HRH1: variants seen among roughly 807,000 people sequenced by gnomAD.
HRH1 encodes histamine H1 receptor.
Under a neutral mutation model 10.3 loss-of-function variants are expected in HRH1, and 6 were observed. The ratio of observed to expected loss-of-function variants is 0.58; its 90% confidence interval spans 0.32 to 1.15. The LOEUF is 1.15. Ranked by LOEUF, HRH1 falls within the 50% of genes most tolerant of loss-of-function variation. The probability of loss-of-function intolerance (pLI) is 0.05; values close to 1 mark genes in which losing one functional copy is unlikely to be tolerated. For synonymous variants in HRH1, 242 were observed against 236.7 expected, an observed-to-expected ratio of 1.02 and a Z score of -0.21; for missense variants, 514 against 615.3, an observed-to-expected ratio of 0.84 and a Z score of 1.74.
intron 1 of HRH1, among the ~76,000 whole-genome samples, chr3:11,251,093 CT>C (rs1559286021): frequency 6.6e-6 from 1 of 152,062 alleles, no homozygotes; most frequent in Non-Finnish European, 1.5e-5. Context: ...TTTTCTTTTT[CT>C]CTGGGGGAGA....
At chr3:11,151,278 T>C (rs552614939), upstream of HRH1, among the ~76,000 whole-genome samples, 1 of 152,294 alleles carries the variant, frequency 6.6e-6, no homozygotes, top group Admixed American at 6.5e-5. Flanking sequence ...AGCCTGCTAA[T>C]AAAAGTGGCA....
chr3:11,143,011 A>G (rs1051918471), intron 1 of HRH1, among the ~76,000 whole-genome samples: 5 of 152,156 alleles, frequency 3.3e-5, no homozygotes, highest in Non-Finnish European at 7.4e-5. Context: ...AAAGGCCCCA[A>G]GACAGGACAA....
chr3:11,202,258 G>A (rs956346624), intron 1 of HRH1, among the ~76,000 whole-genome samples: 2 of 151,786 alleles, frequency 1.3e-5, no homozygotes, highest in Non-Finnish European at 2.9e-5. Flanking sequence ...ACAAAAATTG[G>A]CCCGGTGTGG....
chr3:11,193,929 C>T (rs1937594863), intron 1 of HRH1, among the ~76,000 whole-genome samples: 1 of 152,254 alleles, frequency 6.6e-6, no homozygotes, highest in Non-Finnish European at 1.5e-5. Context: ...GGCAACTTCA[C>T]AAGGTATCAG....
chr3:11,138,180 A>ATTTTTTTTTTTT (rs746775307), intron 1 of HRH1, among the ~76,000 whole-genome samples: 1 of 135,580 alleles, frequency 7.4e-6, no homozygotes, highest in Non-Finnish European at 1.6e-5. Flanking sequence ...ACGTTTGGCT[A>ATTTTTTTTTTTT]TTTTTTTTTT....
At chr3:11,249,873 GA>G (rs1176458842) in intron 1 of HRH1, among the ~76,000 whole-genome samples, 1 of 151,752 alleles carries the variant, frequency 6.6e-6, no homozygotes, top group Non-Finnish European at 1.5e-5. Context: ...ATACTTTTCT[GA>G]AGTAGAGTTG....
chr3:11,179,535 G>A (rs1249386958), intron 1 of HRH1, among the ~76,000 whole-genome samples: 1 of 151,292 alleles, frequency 6.6e-6, no homozygotes, highest in African/African-American at 2.4e-5. Flanking sequence ...CAGGAGAATG[G>A]CGTGAACTCG....
intron 1 of HRH1, among the ~76,000 whole-genome samples, chr3:11,167,688 GT>G (rs1404686537): frequency 1.3e-5 from 2 of 152,234 alleles, no homozygotes; most frequent in Admixed American, 1.3e-4. Flanking sequence ...AATTTGTTTA[GT>G]TCAGTCAGCA....
In HRH1 at chr3:11,205,796, G is replaced by A. The variant is rs544231991; in HGVS notation, c.-36+51242G>A. On this transcript the variant is annotated intron_variant, in intron 1 of 1. Transcript: ENST00000431010. ...TCTGCCTCAGCCTCTTGAGTAGCTGGGACTACAGGCATGCGCCACCACACC... is the reference window on the plus strand; with the variant it reads ...TCTGCCTCAGCCTCTTGAGTAGCTGAGACTACAGGCATGCGCCACCACACC... Among the ~76,000 whole-genome samples the A allele has an allele frequency of 1.3e-4, 19 of 151,912 alleles. No individual in the cohort carries two copies. In the South Asian group the frequency reaches 3.7e-3, roughly 30 times the overall value.
chr3:11,200,859 A>G (rs547920338), intron 1 of HRH1, among the ~76,000 whole-genome samples: 283 of 152,354 alleles, frequency 1.9e-3, no homozygotes, highest in African/African-American at 6.4e-3. Flanking sequence ...CACCAGCTCA[A>G]AAAAACTCCA....
At chr3:11,178,093 A>T (rs1215644906) in intron 1 of HRH1, among the ~76,000 whole-genome samples, 1 of 152,146 alleles carries the variant, frequency 6.6e-6, no homozygotes, top group Non-Finnish European at 1.5e-5. Flanking sequence ...CAGGCCATGG[A>T]GGGAGAGTGC....
chr3:11,236,693 A>T (rs1939189688), intron 1 of HRH1, among the ~76,000 whole-genome samples: 2 of 152,266 alleles, frequency 1.3e-5, no homozygotes, highest in South Asian at 4.1e-4. Flanking sequence ...ACACTCATCT[A>T]TGCCCCTATA....
At chr3:11,216,830 A>G (rs1938515815) in intron 1 of HRH1, among the ~76,000 whole-genome samples, 2 of 151,780 alleles carry the variant, frequency 1.3e-5, no homozygotes, top group Non-Finnish European at 2.9e-5. Flanking sequence ...CAGGGAGCCG[A>G]GGTTGTACCA....
Position 11,213,382 on chromosome 3 carries a change from A to G in HRH1, c.-35-45621A>G, listed in dbSNP as rs77150948. Among the ~76,000 whole-genome samples the G allele has an allele frequency of 1.7e-3, 265 of 152,368 alleles. 2 individuals are homozygous for G. The highest frequency in any genetic ancestry group is 6.1e-3 in the African/African-American group (254 of 41,578). On this transcript the variant is annotated intron_variant, in intron 1 of 1. Transcript: ENST00000431010. ...TCCTTAGCATCTCTGAGCCTCAATAAAATGGACATGGCTATAGAGGTTTGC... is the reference window on the plus strand; with the variant it reads ...TCCTTAGCATCTCTGAGCCTCAATAGAATGGACATGGCTATAGAGGTTTGC...
At chr3:11,254,672 G>T (rs1575045845) in intron 1 of HRH1, among the ~76,000 whole-genome samples, 1 of 152,204 alleles carries the variant, frequency 6.6e-6, no homozygotes, top group African/African-American at 2.4e-5. Flanking sequence ...CACGAGAAAT[G>T]ATCTGAGACC....
intron 1 of HRH1, among the ~76,000 whole-genome samples, chr3:11,215,429 G>A (rs941195977): frequency 6.6e-6 from 1 of 151,812 alleles, no homozygotes; most frequent in African/African-American, 2.4e-5. Context: ...GTGTTTTTGG[G>A]TTTTTTTTGT....
intron 1 of HRH1, among the ~76,000 whole-genome samples, chr3:11,213,508 A>G (rs1938394107): frequency 6.6e-6 from 1 of 152,256 alleles, no homozygotes; most frequent in Non-Finnish European, 1.5e-5. Flanking sequence ...TGAAGCCTAG[A>G]AAGTCCAAGA....
chr3:11,221,159 C>T (rs1938698470), intron 1 of HRH1, among the ~76,000 whole-genome samples: 2 of 152,116 alleles, frequency 1.3e-5, no homozygotes, highest in Non-Finnish European at 2.9e-5. Flanking sequence ...CTTAAGATGC[C>T]CTTAAGTTGA....
rs1045058580 is a variant in HRH1, at chr3:11,154,997, G to T, written c.-36+443G>T. Among the ~76,000 whole-genome samples the T allele has an allele frequency of 6.6e-6, 1 of 152,186 alleles. No individual in the cohort carries two copies. The highest frequency in any genetic ancestry group is 1.9e-4 in the East Asian group (1 of 5,178). On this transcript the variant is annotated intron_variant, in intron 1 of 1. Coordinates refer to ENST00000431010, the MANE Select transcript of HRH1 (RefSeq NM_001098212.2). The surrounding 1 kb of genome is among the most constrained non-coding windows in gnomAD (Gnocchi z 4.4). ...GGCATCCATTATCTGTTGCAATATT[G>T]TTATACTCATTTTACAGAGGAGGAA...
Sources: gnomAD v4.1 joint callset for allele counts (sites outside exome capture counted in the v4.1 genomes callset) on GRCh38, gnomAD v4.1.1 for gene constraint, Gnocchi (gnomAD v3.1) non-coding constraint, MANE v1.5 for transcripts, NCBI Gene and HGNC (gene_info 2026-07-23, HGNC 2026-07-21) for gene names.